The following LRRTM4 variants were observed in gnomAD, a reference collection of about 807,000 sequenced individuals.
LRRTM4 encodes leucine-rich repeat transmembrane neuronal protein 4.
LRRTM4 carries 25 observed loss-of-function variants against 47.6 expected under a neutral mutation model. That is an observed-to-expected ratio of 0.53 (90% CI 0.38 to 0.73). The LOEUF (loss-of-function observed/expected upper bound fraction) is 0.73. Ranked by LOEUF, LRRTM4 falls within the 30% of genes least tolerant of loss-of-function variation. LRRTM4 has a pLI of 0.00. For missense variants in LRRTM4, 638 were observed against 713.4 expected, an observed-to-expected ratio of 0.89 and a Z score of 1.20; for synonymous variants, 311 against 269.5, an observed-to-expected ratio of 1.15 and a Z score of -1.51.
At chr2:76,946,076 C>T (rs1314292817) in intron 3 of LRRTM4, among the ~76,000 whole-genome samples, 1 of 151,842 alleles carries the variant, frequency 6.6e-6, no homozygotes, top group Non-Finnish European at 1.5e-5. Flanking sequence ...CACATTATAT[C>T]TTGTCTCTGT....
chr2:77,175,118 G>A (rs533573639), intron 3 of LRRTM4, among the ~76,000 whole-genome samples: 2 of 145,964 alleles, frequency 1.4e-5, no homozygotes, highest in East Asian at 2.0e-4. Flanking sequence ...CACACAGGCT[G>A]GAGTACAGTG....
intron 3 of LRRTM4, among the ~76,000 whole-genome samples, chr2:77,435,680 T>C (rs1351059632): frequency 1.3e-5 from 2 of 152,130 alleles, no homozygotes; most frequent in African/African-American, 4.8e-5. Flanking sequence ...CTTCCTAATC[T>C]GTTAAGAAAC....
At chr2:77,330,603 T>C (rs1038232352) in intron 3 of LRRTM4, among the ~76,000 whole-genome samples, 1 of 152,170 alleles carries the variant, frequency 6.6e-6, no homozygotes, top group Non-Finnish European at 1.5e-5. Flanking sequence ...AAATTGCATG[T>C]ATAATCTGAG....
intron 3 of LRRTM4, among the ~76,000 whole-genome samples, chr2:77,145,993 G>A (rs1479491350): frequency 2.0e-5 from 3 of 152,076 alleles, no homozygotes; most frequent in Non-Finnish European, 4.4e-5. Context: ...TTCATCCATA[G>A]ACCTCCACCT....
intron 3 of LRRTM4, among the ~76,000 whole-genome samples, chr2:77,080,588 T>A (rs1475690230): frequency 6.6e-6 from 1 of 152,192 alleles, no homozygotes; most frequent in African/African-American, 2.4e-5. Context: ...TTTATCTAAA[T>A]TAATGGAAAT....
chr2:76,874,430 G>T (rs897537326), intron 3 of LRRTM4, among the ~76,000 whole-genome samples: 1 of 151,978 alleles, frequency 6.6e-6, no homozygotes, highest in African/African-American at 2.4e-5. Flanking sequence ...CAGACACAGA[G>T]CTAGCCATGT....
intron 3 of LRRTM4, among the ~76,000 whole-genome samples, chr2:77,299,256 T>TAC (rs1558676097): frequency 3.6e-5 from 3 of 82,678 alleles, no homozygotes; most frequent in Admixed American, 1.4e-4. Context: ...TCTATATATA[T>TAC]ATACACACAC....
chr2:77,267,099 A>G (rs1342496571), intron 3 of LRRTM4, among the ~76,000 whole-genome samples: 1 of 152,186 alleles, frequency 6.6e-6, no homozygotes, highest in Non-Finnish European at 1.5e-5. Context: ...AAATTTTCCA[A>G]TAAGCTTTTT....
intron 3 of LRRTM4, among the ~76,000 whole-genome samples, chr2:77,395,372 T>C: frequency 6.6e-6 from 1 of 151,974 alleles, no homozygotes; most frequent in East Asian, 1.9e-4. Flanking sequence ...TAAAAACAAT[T>C]AATGAGGTAG....
At chr2:77,504,350 T>C (rs72813108) in intron 3 of LRRTM4, among the ~76,000 whole-genome samples, 117 of 151,722 alleles carry the variant, frequency 7.7e-4, no homozygotes, top group Non-Finnish European at 1.2e-3. Flanking sequence ...TGTCTTATTA[T>C]TTGCAGAAAT....
chr2:77,120,148 A>G (rs11126592), intron 3 of LRRTM4, among the ~76,000 whole-genome samples: 8,597 of 151,778 alleles, frequency 0.057, 498 homozygotes, highest in East Asian at 0.19. Context: ...ATAAGATTGG[A>G]AAATGGTTTT....
intron 3 of LRRTM4, among the ~76,000 whole-genome samples, chr2:77,320,032 A>C (rs750363628): frequency 2.2e-4 from 34 of 152,086 alleles, no homozygotes; most frequent in Non-Finnish European, 4.6e-4. Context: ...TGTTTTTTTT[A>C]GGGGAAACCG....
chr2:76,912,024 G>C (rs1293878768), intron 3 of LRRTM4, among the ~76,000 whole-genome samples: 1 of 150,664 alleles, frequency 6.6e-6, no homozygotes. Flanking sequence ...CGCCTTCTGG[G>C]TTCACGCCAT....
chr2:77,334,049 T>A (rs539757211), intron 3 of LRRTM4, among the ~76,000 whole-genome samples: 77 of 152,344 alleles, frequency 5.1e-4, no homozygotes, highest in African/African-American at 1.7e-3. Context: ...TGGACTTGAA[T>A]GGCACTTGTA....
At chr2:77,305,819 T>C (rs185876944) in intron 3 of LRRTM4, among the ~76,000 whole-genome samples, 1 of 152,142 alleles carries the variant, frequency 6.6e-6, no homozygotes, top group Admixed American at 6.5e-5. Context: ...TATATTTTAA[T>C]AATAAAACAA....
At chr2:77,512,016 G>A (rs939337225) in intron 3 of LRRTM4, among the ~76,000 whole-genome samples, 1 of 152,088 alleles carries the variant, frequency 6.6e-6, no homozygotes, top group Non-Finnish European at 1.5e-5. Flanking sequence ...GCTATTCATA[G>A]GCTCAAACAT....
chr2:77,321,781 T>A (rs1027448771), intron 3 of LRRTM4, among the ~76,000 whole-genome samples: 4 of 152,078 alleles, frequency 2.6e-5, no homozygotes, highest in African/African-American at 9.7e-5. Flanking sequence ...AAATTTAGAA[T>A]TTTTTTGAGA....
chr2:77,013,301 G>A (rs916810419), intron 3 of LRRTM4, among the ~76,000 whole-genome samples: 1 of 152,150 alleles, frequency 6.6e-6, no homozygotes, highest in African/African-American at 2.4e-5. Context: ...GTGGTGCTGT[G>A]ATATGTTTTG....
chr2:77,492,194 C>T (rs1283416024), intron 3 of LRRTM4, among the ~76,000 whole-genome samples: 1 of 151,946 alleles, frequency 6.6e-6, no homozygotes, highest in Non-Finnish European at 1.5e-5. Flanking sequence ...GTCAAGTTCA[C>T]AAAATTAAAA....
Sources: gnomAD v4.1 joint callset for allele counts (sites outside exome capture counted in the v4.1 genomes callset) on GRCh38, gnomAD v4.1.1 for gene constraint, MANE v1.5 for transcripts, NCBI Gene and HGNC (gene_info 2026-07-23, HGNC 2026-07-21) for gene names.